Variants in LHX1 observed in about 807,000 individuals in gnomAD.
LHX1 encodes LIM/homeobox protein Lhx1.
LHX1 carries 9 observed loss-of-function variants against 34.1 expected under a neutral mutation model. The ratio of observed to expected loss-of-function variants is 0.26; its 90% CI spans 0.16 to 0.46. The LOEUF is 0.46. LHX1 is among the 20% of genes least tolerant of loss of function. The pLI, the probability that LHX1 is intolerant of heterozygous loss-of-function variation, is 1.00. For synonymous variants in LHX1, 254 were observed against 241.5 expected, an observed-to-expected ratio of 1.05 and a Z score of -0.48; for missense variants, 446 against 559.1, an observed-to-expected ratio of 0.80 and a Z score of 2.04.
chr17:36,942,083 A>G, intron 3 of LHX1, 117 bp from the exon 4 acceptor site: 1 of 1,026,150 alleles, frequency 9.7e-7, no homozygotes, highest in African/African-American at 1.6e-5. Context: ...ACACACACAC[A>G]AGCGCGCGCG....
rs1173526494 is a variant in LHX1, at chr17:36,943,119, G to A, written c.1209G>A (p.Ala403=). The change falls in exon 5 of 5, where the codon GCG becomes GCA. Residue 403 remains alanine (A), a synonymous_variant. Transcript: ENST00000614239. ...CCCACCCCCCCGAAATGAACGAGGCGGCCGTGTGGTAGCGGGGTCTCGCAC... is the reference window on the plus strand; with the variant it reads ...CCCACCCCCCCGAAATGAACGAGGCAGCCGTGTGGTAGCGGGGTCTCGCAC... ...HLSHPPEMNE[A]AVW is the part of the protein sequence containing the mutation. The A allele has an allele frequency of 1.2e-6, 2 of 1,612,378 alleles. No individual in the cohort carries two copies. Among genetic ancestry groups the A allele is most frequent in the Non-Finnish European group, 1.7e-6 (2 of 1,179,804 alleles).
chr17:36,940,967 A>G (rs1193762847), intron 3 of LHX1, 80 bp downstream of exon 3: 1 of 1,533,744 alleles, frequency 6.5e-7, no homozygotes, highest in Admixed American at 2.0e-5. Context: ...AGGAGAGCCC[A>G]GAATCCAGAG....
upstream of LHX1, chr17:36,937,175 C>G: frequency 2.2e-6 from 1 of 449,068 alleles, no homozygotes; most frequent in Non-Finnish European, 4.5e-6. Flanking sequence ...GAGCGTGGGC[C>G]GAGCGATGCG....
At position 36,942,830 on chromosome 17, in the gene LHX1, C is replaced by T. The variant is rs147937067; in HGVS notation, c.920C>T (p.Thr307Ile). Reference protein sequence around the residue: ...PQGPPSSQAQTPVDLPFVPSS... With the variant: ...PQGPPSSQAQIPVDLPFVPSS... The stretch of plus-strand genomic sequence containing the variant: ...GGCCCCCCGTCCTCGCAGGCCCAGA[C>T]ACCAGTGGACCTACCCTTCGTGCCG... Residue 307 changes from threonine to isoleucine, a missense_variant, in exon 5 of 5, where the codon ACA becomes ATA. Physicochemically the swap from Thr to Ile is moderately conservative, Grantham distance 89. This residue lies in a region of LHX1 where 235 missense variants were observed against 224.4 expected (regional missense o/e 1.05). Transcript: ENST00000614239. 8.6e-5 allele frequency: 136 copies of T among 1,573,810 alleles called. No homozygotes were observed. Among genetic ancestry groups the T allele is most frequent in the Admixed American group, 5.3e-5 (3 of 56,320 alleles).
rs111571482 is a variant in LHX1, at chr17:36,940,617, G to A, written c.405G>A (p.Thr135=). The A allele has an allele frequency of 1.9e-3, 3,062 of 1,613,760 alleles. 47 individuals are homozygous for A. In the African/African-American group the frequency reaches 0.035, roughly 18 times the overall value. Reference sequence around the variant, plus strand: ...CTGTCCTTTCCCTCTTAGCCACCACGGGCAGTGACCCCAGTTTGTCTCCGG... The same window carrying A: ...CTGTCCTTTCCCTCTTAGCCACCACAGGCAGTGACCCCAGTTTGTCTCCGG... ...AKENSLHSAT[T]GSDPSLSPDS... is the part of the protein sequence containing the mutation. Residue 135 remains threonine (T), a synonymous_variant, in exon 3 of 5, where the codon ACG becomes ACA. Coordinates refer to ENST00000614239, the MANE Select transcript of LHX1 (RefSeq NM_005568.5).
chr17:36,938,460 A>G, intron 1 of LHX1, 93 bp downstream of exon 1: 2 of 1,314,968 alleles, frequency 1.5e-6, no homozygotes, highest in South Asian at 1.2e-5. Flanking sequence ...CTCGCTGCCC[A>G]GTTAGGAACT....
At position 36,937,956 on chromosome 17, in the gene LHX1, A is replaced by G. The variant is rs537090050; in HGVS notation, c.-242A>G. The G allele has an allele frequency of 1.5e-5, 9 of 600,318 alleles. No homozygotes were observed. In the African/African-American group the frequency reaches 1.7e-4, roughly 11 times the overall value. The allele number at this position is 600,318 out of a possible 1,614,324, so 37.2% of individuals were successfully genotyped here. ...CCGGGAGCTCAGGCGGCGCCGCTCC[A>G]GCCCGGGGCCCCGGGACTCCCCGGC... On this transcript the variant is annotated 5_prime_UTR_variant, in exon 1 of 5. Transcript: ENST00000614239.
At chr17:36,941,198 T>G in intron 3 of LHX1, 2 of 642,958 alleles carry the variant, frequency 3.1e-6, no homozygotes, top group Non-Finnish European at 5.8e-6. Context: ...TTTCTGCACA[T>G]ACCCCACCCC....
intron 3 of LHX1, 79 bp from the exon 4 acceptor site, chr17:36,942,121 G>A: frequency 1.4e-6 from 2 of 1,449,260 alleles, no homozygotes; most frequent in African/African-American, 1.4e-5. Flanking sequence ...AGGCGGTGAA[G>A]GGGTGCTGGC....
chr17:36,940,253 AT>A (rs1567956974), intron 1 of LHX1, 36 bp from the exon 2 acceptor site: 35 of 507,864 alleles, frequency 6.9e-5, no homozygotes, highest in South Asian at 2.1e-4. Flanking sequence ...TGGCTGACCC[AT>A]CCCCGCCCCC....
rs965174452 is a variant in LHX1 at position 36,941,650 on chromosome 17, C to A, written c.676-550C>A. 6 of 202,492 alleles carry A rather than the reference C, an allele frequency of 3.0e-5. No homozygotes were observed. The South Asian group carries it at 4.0e-4, about 14-fold the overall frequency. 12.5% of individuals were successfully genotyped at this position (202,492 alleles called of 1,614,324 possible). On this transcript the variant is annotated intron_variant, in intron 3 of 4. Coordinates refer to ENST00000614239, the MANE Select transcript of LHX1 (RefSeq NM_005568.5). The stretch of plus-strand genomic sequence containing the variant: ...TGAGGCCTACAGGAGACTGTGAGAA[C>A]CTGTGTACATGAATGAGAAGTCGTG...
At chr17:36,937,042 C>CA (rs113265097), upstream of LHX1, 3,251 of 235,072 alleles carry the variant, frequency 0.014, 68 homozygotes, top group African/African-American at 0.061. Context: ...AAAAGAAAAA[C>CA]AAAAAAAAAA....
chr17:36,940,258 C>CCGGGGGGGGGGGGGGGG, intron 1 of LHX1, 32 bp from the exon 2 acceptor site: 2 of 528,906 alleles, frequency 3.8e-6, no homozygotes, highest in Non-Finnish European at 3.3e-6. Context: ...GACCCATCCC[C>CCGGGGGGGGGGGGGGGG]GCCCCCGCCC....
intron 3 of LHX1, among the ~76,000 whole-genome samples, chr17:36,941,854 A>T (rs1383293682): frequency 6.6e-6 from 1 of 152,148 alleles, no homozygotes; most frequent in Non-Finnish European, 1.5e-5. Context: ...TGTGTGTCTG[A>T]CATTATTTTG....
At chr17:36,942,091 G>A in intron 3 of LHX1, 109 bp from the exon 4 acceptor site, 1 of 1,151,372 alleles carries the variant, frequency 8.7e-7, no homozygotes. Flanking sequence ...ACAAGCGCGC[G>A]CGCGCGGTGT....
intron 4 of LHX1, 26 bp from the exon 5 acceptor site, chr17:36,942,726 C>T (rs1281237793): frequency 4.1e-6 from 6 of 1,473,408 alleles, no homozygotes; most frequent in African/African-American, 1.4e-5. Flanking sequence ...GCCCTGACGT[C>T]CTGCGCCCTC....
In LHX1 at chr17:36,942,347, C is replaced by T; in HGVS notation, c.823C>T (p.Pro275Ser). The T allele has an allele frequency of 1.3e-6, 2 of 1,587,650 alleles. No homozygotes were observed. The highest frequency in any genetic ancestry group is 1.7e-6 in the Non-Finnish European group (2 of 1,167,974). ...GCCGGGCGAGCTCATCCCCAATGGTCCCTTCTCCTTCTACGGAGGTGGGTG... is the reference window on the plus strand; with the variant it reads ...GCCGGGCGAGCTCATCCCCAATGGTTCCTTCTCCTTCTACGGAGGTGGGTG... ...LEPGELIPNG[P>S]FSFYGDYQSE... Residue 275 changes from proline to serine, a missense_variant, in exon 4 of 5, where the codon CCC becomes TCC. Pro to Ser is a moderately conservative substitution (Grantham distance 74). Transcript: ENST00000614239.
At chr17:36,941,449 G>A (rs2070764503) in intron 3 of LHX1, 9 of 317,030 alleles carry the variant, frequency 2.8e-5, no homozygotes, top group South Asian at 2.3e-4. Flanking sequence ...CCTGGAGGCA[G>A]CTGGGCCTGT....
Position 36,941,268 on chromosome 17 carries a change from T to C in LHX1, c.675+381T>C. 6.5e-6 allele frequency: 3 copies of C among 465,114 alleles called. 1 individual carries two copies. Among genetic ancestry groups the C allele is most frequent in the Non-Finnish European group, 1.2e-5 (3 of 247,448 alleles). 28.8% of individuals were successfully genotyped at this position (465,114 alleles called of 1,614,324 possible). On this transcript the variant is annotated intron_variant, in intron 3 of 4. Coordinates refer to ENST00000614239, the MANE Select transcript of LHX1 (RefSeq NM_005568.5). ...GTCCCCCAGAGTCAATCAGTCCCTC[T>C]GCCTTCTGCACAAAGTGAACTCTTC... is the stretch of plus-strand genomic sequence containing the variant.
Sources: allele counts gnomAD v4.1 joint callset (sites outside exome capture counted in the v4.1 genomes callset), GRCh38; gene constraint gnomAD v4.1.1; regional missense constraint gnomAD v4.1.1; transcripts MANE v1.5; gene names NCBI Gene and HGNC (gene_info 2026-07-23, HGNC 2026-07-21).